RASGRF1: variants seen among roughly 807,000 people sequenced by gnomAD.
RASGRF1 encodes the protein ras-specific guanine nucleotide-releasing factor 1.
A neutral mutation model predicts 138.7 loss-of-function variants in RASGRF1; 40 were observed. The observed-to-expected ratio is 0.29, with a 90% CI of 0.22 to 0.38. The LOEUF is 0.38. RASGRF1 is among the 10% of genes least tolerant of loss of function. The pLI is 1.00. For synonymous variants in RASGRF1, 614 were observed against 663.2 expected (o/e 0.93, Z 1.14); for missense variants, 1,108 against 1,650.4 (o/e 0.67, Z 5.69).
At chr15:78,980,509 G>T (rs537208025) in intron 24 of RASGRF1, 111 bp downstream of exon 24, 2 of 801,024 alleles carry the variant, frequency 2.5e-6, no homozygotes, top group Non-Finnish European at 4.0e-6. Context: ...GTAGACAGAC[G>T]AACAGACAGA....
chr15:79,004,778 T>C, intron 14 of RASGRF1: 7 of 985,526 alleles, frequency 7.1e-6, no homozygotes, highest in Non-Finnish European at 8.4e-6. Flanking sequence ...TCCAGAACAT[T>C]GCAAACCATA....
chr15:79,048,938 C>T (rs975986373), intron 4 of RASGRF1, among the ~76,000 whole-genome samples: 2 of 152,190 alleles, frequency 1.3e-5, no homozygotes, highest in Non-Finnish European at 2.9e-5. Flanking sequence ...CAGGGTGGCC[C>T]ATGGTATGTC....
intron 26 of RASGRF1, among the ~76,000 whole-genome samples, chr15:78,965,918 G>A (rs773980105): frequency 2.6e-5 from 4 of 152,150 alleles, no homozygotes; most frequent in Non-Finnish European, 4.4e-5. Context: ...GAGTGGCTTC[G>A]CCGGGATTTG....
chr15:79,016,174 G>A (rs1446767245), intron 12 of RASGRF1, among the ~76,000 whole-genome samples: 1 of 152,194 alleles, frequency 6.6e-6, no homozygotes, highest in Non-Finnish European at 1.5e-5. Flanking sequence ...ATAGCGATAG[G>A]GAAGGCTTGG....
chr15:79,006,498 G>A lies in RASGRF1; in HGVS notation c.1827-64C>T, dbSNP rs1223400772. On this transcript the variant is annotated intron_variant, in intron 13 of 26. Coordinates refer to ENST00000558480, the MANE Select transcript of RASGRF1 (RefSeq NM_001145648.3). This position sits in a 1 kb window ranked among gnomAD's most constrained non-coding sequence, Gnocchi z 4.0. ...AAAGGCATCTGAATGGCACCCACCA[G>A]GCCTGCTCATCACTGCTTCCCCCAC... is the stretch of plus-strand genomic sequence containing the variant. 1 of 1,545,590 alleles carries A rather than the reference G, an allele frequency of 6.5e-7. No homozygotes were observed. The highest frequency in any genetic ancestry group is 1.4e-5 in the African/African-American group (1 of 73,936).
intron 22 of RASGRF1, among the ~76,000 whole-genome samples, chr15:78,986,657 TTTAA>T (rs917604578): frequency 1.3e-4 from 20 of 152,178 alleles, no homozygotes; most frequent in African/African-American, 4.6e-4. Flanking sequence ...TTTGTGACTG[TTTAA>T]TTATTTTAAA....
chr15:79,078,007 G>T (rs1014500608), intron 1 of RASGRF1, among the ~76,000 whole-genome samples: 2 of 152,140 alleles, frequency 1.3e-5, no homozygotes, highest in Non-Finnish European at 2.9e-5. Context: ...GCTCTCCCCA[G>T]CTGGGTCCTG....
intron 12 of RASGRF1, among the ~76,000 whole-genome samples, chr15:79,015,847 C>T (rs1174977938): frequency 4.6e-5 from 7 of 152,170 alleles, no homozygotes; most frequent in Non-Finnish European, 7.3e-5. Context: ...CGCCACTGCA[C>T]GAGGGTGCTG....
intron 26 of RASGRF1, among the ~76,000 whole-genome samples, chr15:78,971,509 G>A (rs976288726): frequency 1.3e-5 from 2 of 152,232 alleles, no homozygotes; most frequent in African/African-American, 2.4e-5. Flanking sequence ...GGGGAACTAG[G>A]TGGCTGGGGG....
intron 2 of RASGRF1, among the ~76,000 whole-genome samples, chr15:79,060,336 C>A (rs1394354672): frequency 6.6e-6 from 1 of 152,234 alleles, no homozygotes; most frequent in East Asian, 1.9e-4. Flanking sequence ...GGCAAACAAT[C>A]AGCATGTCCC....
intron 1 of RASGRF1, among the ~76,000 whole-genome samples, chr15:79,066,395 C>T (rs2057681221): frequency 6.6e-6 from 1 of 152,226 alleles, no homozygotes; most frequent in South Asian, 2.1e-4. Context: ...AAGGCAAAGT[C>T]CCCACCTCAG....
At chr15:79,075,382 ACCTGGCCCCAGTATGCCCTT>A (rs2057819171) in intron 1 of RASGRF1, among the ~76,000 whole-genome samples, 1 of 152,052 alleles carries the variant, frequency 6.6e-6, no homozygotes, top group African/African-American at 2.4e-5. Context: ...TCCAGCGCAT[ACCTGGCCCCAGTATGCCCTT>A]CCTGTCCAGT....
At chr15:78,981,894 C>T (rs941494985) in intron 23 of RASGRF1, among the ~76,000 whole-genome samples, 5 of 152,190 alleles carry the variant, frequency 3.3e-5, no homozygotes, top group Non-Finnish European at 5.9e-5. Context: ...ATGCCCTGGC[C>T]CACCTCCGTT....
rs905827590 is a variant in RASGRF1, at chr15:79,050,629, T to C, written c.532-1041A>G. On this transcript the variant is annotated intron_variant, in intron 3 of 26. Coordinates refer to ENST00000558480, the MANE Select transcript of RASGRF1 (RefSeq NM_001145648.3). The surrounding 1 kb of genome is among the most constrained non-coding windows in gnomAD (Gnocchi z 4.1). ...ATCTAGCTGCTCTAAACATCTCCATTTGCATAATTTGGGGATCACAGATGT... is the reference window on the plus strand; with the variant it reads ...ATCTAGCTGCTCTAAACATCTCCATCTGCATAATTTGGGGATCACAGATGT... 1.3e-5 allele frequency among the ~76,000 whole-genome samples: 2 copies of C among 152,154 alleles called. No individual in the cohort carries two copies. The highest frequency in any genetic ancestry group is 1.3e-4 in the Admixed American group (2 of 15,276).
intron 20 of RASGRF1, 100 bp downstream of exon 20, chr15:78,995,640 A>G (rs954304014): frequency 1.4e-6 from 2 of 1,401,032 alleles, no homozygotes; most frequent in African/African-American, 2.8e-5. Flanking sequence ...CACAACAGCC[A>G]CAGAAAATGA....
At chr15:78,968,584 GAT>G (rs149342169) in intron 26 of RASGRF1, among the ~76,000 whole-genome samples, 14 of 150,504 alleles carry the variant, frequency 9.3e-5, no homozygotes, top group South Asian at 2.1e-4. Context: ...ACTCCCAGCT[GAT>G]ATATATATAT....
chr15:78,975,208 T>C (rs996049901), intron 24 of RASGRF1, among the ~76,000 whole-genome samples: 2 of 152,112 alleles, frequency 1.3e-5, no homozygotes, highest in South Asian at 2.1e-4. Flanking sequence ...CTGAGCAACA[T>C]AGTGAGACCC....
Position 79,090,283 on chromosome 15 carries a change from G to T in RASGRF1, c.216C>A (p.Val72=). 1 of 1,612,664 alleles carries T rather than the reference G, an allele frequency of 6.2e-7. No homozygotes were observed. The highest frequency in any genetic ancestry group is 8.5e-7 in the Non-Finnish European group (1 of 1,179,748). The change falls in exon 1 of 27, where the codon GTC becomes GTA. Residue 72 remains valine, a synonymous_variant. Transcript: ENST00000558480. ...PSGLYLLEGC[V]CDRAPSPKPA... is the part of the protein sequence containing the mutation. ...GCTTGGGGGAGGGCGCGCGGTCGCA[G>T]ACGCAGCCCTCCAGCAGGTAAAGCC...
intron 13 of RASGRF1, among the ~76,000 whole-genome samples, chr15:79,009,473 G>T (rs1378775482): frequency 6.6e-6 from 1 of 152,158 alleles, no homozygotes; most frequent in Non-Finnish European, 1.5e-5. Flanking sequence ...TTCAGAGGGA[G>T]AGTACAGCTA....
Sources: allele counts gnomAD v4.1 joint callset (sites outside exome capture counted in the v4.1 genomes callset), GRCh38; gene constraint gnomAD v4.1.1; non-coding constraint Gnocchi (gnomAD v3.1); transcripts MANE v1.5; gene names NCBI Gene and HGNC (gene_info 2026-07-23, HGNC 2026-07-21).